Variants in CCDC102B observed in about 807,000 individuals in gnomAD.
The protein encoded by CCDC102B is coiled-coil domain-containing protein 102B.
A neutral mutation model predicts 57.4 loss-of-function variants in CCDC102B; 75 were observed. The ratio of observed to expected loss-of-function variants is 1.31; its 90% CI spans 1.08 to 1.58. CCDC102B has a LOEUF of 1.58. CCDC102B is among the 40% of genes most tolerant of loss of function. The pLI is 0.00. For missense variants in CCDC102B, 636 were observed against 582.6 expected, an observed-to-expected ratio of 1.09 and a Z score of -0.94; for synonymous variants, 206 against 201.9, an observed-to-expected ratio of 1.02 and a Z score of -0.17.
chr18:68,737,158 T>C (rs1169544137), intron 2 of CCDC102B, among the ~76,000 whole-genome samples: 2 of 152,060 alleles, frequency 1.3e-5, no homozygotes, highest in East Asian at 1.9e-4. Flanking sequence ...GGTGTTCTCT[T>C]TGAGTTTTAC....
At chr18:68,899,788 T>C (rs2040374536) in intron 6 of CCDC102B, 1 of 152,172 alleles carries the variant, frequency 6.6e-6, no homozygotes, top group African/African-American at 2.4e-5. Flanking sequence ...CACATGGTTT[T>C]ACATTTGGTT....
chr18:68,766,214 G>A (rs2144602530), intron 2 of CCDC102B, among the ~76,000 whole-genome samples: 1 of 152,150 alleles, frequency 6.6e-6, no homozygotes, highest in South Asian at 2.1e-4. Flanking sequence ...TAACTCCTAG[G>A]ACAAAGAAGC....
At chr18:68,877,141 A>C (rs757134872) in intron 5 of CCDC102B, among the ~76,000 whole-genome samples, 4 of 152,208 alleles carry the variant, frequency 2.6e-5, no homozygotes, top group African/African-American at 4.8e-5. Flanking sequence ...ATTTCTAGCT[A>C]ACTTAGGTTG....
At chr18:68,726,681 A>G (rs1479160950) in intron 2 of CCDC102B, among the ~76,000 whole-genome samples, 2 of 152,186 alleles carry the variant, frequency 1.3e-5, no homozygotes, top group African/African-American at 2.4e-5. Flanking sequence ...TTCAACATAC[A>G]TTTGCCTCAA....
rs1324669413 is a variant in CCDC102B, at chr18:68,750,720, G to C, written c.-67+34126G>C. ...AGGACAAAAAAACCGAACACCACATGTTCTCACTCATAGGTGGGAATTGAA... is the reference window on the plus strand; with the variant it reads ...AGGACAAAAAAACCGAACACCACATCTTCTCACTCATAGGTGGGAATTGAA... On this transcript the variant is annotated intron_variant, in intron 2 of 3. Transcript: ENST00000578970. 2.0e-5 allele frequency among the ~76,000 whole-genome samples: 3 copies of C among 148,312 alleles called. No individual in the cohort carries two copies. In the Admixed American group the frequency reaches 2.1e-4, roughly 10 times the overall value.
chr18:69,055,977 A>T (rs2052808992), downstream of CCDC102B, among the ~76,000 whole-genome samples: 2 of 152,080 alleles, frequency 1.3e-5, no homozygotes, highest in South Asian at 4.2e-4. Context: ...CTTAGTACAG[A>T]CATATTGATA....
At chr18:68,771,684 T>G (rs2034642378) in intron 2 of CCDC102B, among the ~76,000 whole-genome samples, 1 of 152,200 alleles carries the variant, frequency 6.6e-6, no homozygotes, top group Non-Finnish European at 1.5e-5. Context: ...GTGGATACAT[T>G]TGAATATCTG....
intron 1 of CCDC102B, among the ~76,000 whole-genome samples, chr18:68,829,385 C>G (rs1210303647): frequency 6.6e-6 from 1 of 151,848 alleles, no homozygotes; most frequent in Admixed American, 6.6e-5. Context: ...AGTTTTTTCT[C>G]TTGCTTTTTG....
intron 7 of CCDC102B, among the ~76,000 whole-genome samples, chr18:69,014,976 A>AGTGTGTGTGTGTGTGT (rs758831401): frequency 1.7e-5 from 2 of 115,572 alleles, no homozygotes; most frequent in East Asian, 3.0e-4. Flanking sequence ...AGAGAGAGAG[A>AGTGTGTGTGTGTGTGT]GAGTGTGTGT....
intron 5 of CCDC102B, among the ~76,000 whole-genome samples, chr18:68,882,422 T>C (rs57177556): frequency 0.024 from 3,667 of 152,290 alleles, 150 homozygotes; most frequent in African/African-American, 0.084. Flanking sequence ...AATATCCCCA[T>C]GTTTTCCCCT....
chr18:68,816,691 C>T (rs1035301689), intron 1 of CCDC102B, among the ~76,000 whole-genome samples: 2 of 152,092 alleles, frequency 1.3e-5, no homozygotes, highest in Non-Finnish European at 2.9e-5. Flanking sequence ...GTCTCGATAA[C>T]CTGACATCGT....
intron 5 of CCDC102B, among the ~76,000 whole-genome samples, chr18:68,889,640 T>C (rs942838084): frequency 3.9e-5 from 6 of 152,158 alleles, no homozygotes; most frequent in Non-Finnish European, 8.8e-5. Context: ...AGTTTCTCCA[T>C]GTTGGTCAAG....
At chr18:68,723,880 C>T (rs1715933765) in intron 2 of CCDC102B, among the ~76,000 whole-genome samples, 1 of 152,192 alleles carries the variant, frequency 6.6e-6, no homozygotes, top group Admixed American at 6.5e-5. Context: ...AGTGGGGATG[C>T]TGTGGTGGGG....
intron 4 of CCDC102B, among the ~76,000 whole-genome samples, chr18:68,848,169 A>G (rs375577189): frequency 2.6e-5 from 4 of 151,936 alleles, no homozygotes; most frequent in East Asian, 1.9e-4. Flanking sequence ...ATAGTATTGT[A>G]GCACAAGTAT....
chr18:68,815,528 T>C (rs924729067), intron 1 of CCDC102B, among the ~76,000 whole-genome samples: 1 of 152,168 alleles, frequency 6.6e-6, no homozygotes, highest in South Asian at 2.1e-4. Flanking sequence ...GAAACACATG[T>C]ATTAAAATTA....
chr18:68,836,255 A>G (rs2037361544), intron 1 of CCDC102B, among the ~76,000 whole-genome samples: 1 of 152,174 alleles, frequency 6.6e-6, no homozygotes, highest in East Asian at 1.9e-4. Flanking sequence ...ATTGAATACG[A>G]GCATTTTCTG....
rs1568277915 is a variant in CCDC102B, at chr18:68,837,050, C to T, written c.287C>T (p.Ser96Leu). The stretch of plus-strand genomic sequence containing the variant: ...ATGGAAAAGACCATGCGGTGGTGGT[C>T]GGACTGCACTGCCAACTGGAGAGAA... ...AQMEKTMRWW[S>L]DCTANWREKW... Residue 96 changes from serine (S) to leucine (L), a missense_variant, in exon 2 of 8, where the codon TCG (serine) becomes TTG (leucine). Transcript: ENST00000360242. 3.1e-6 allele frequency: 5 copies of T among 1,614,084 alleles called. No homozygotes were observed. Among genetic ancestry groups the T allele is most frequent in the African/African-American group, 2.7e-5 (2 of 75,006 alleles).
At chr18:68,846,210 CAAATATCAA>C in intron 3 of CCDC102B, 94 bp from the exon 4 acceptor site, 1 of 585,088 alleles carries the variant, frequency 1.7e-6, no homozygotes, top group Non-Finnish European at 2.7e-6. Context: ...TGATCAGTTA[CAAATATCAA>C]AAATTAGGAA....
At chr18:68,771,558 C>A (rs2034637580) in intron 2 of CCDC102B, among the ~76,000 whole-genome samples, 1 of 152,060 alleles carries the variant, frequency 6.6e-6, no homozygotes, top group African/African-American at 2.4e-5. Context: ...TTAGGTAACC[C>A]TTATGAAAAA....
Sources: gnomAD v4.1 joint callset for allele counts (sites outside exome capture counted in the v4.1 genomes callset) on GRCh38, gnomAD v4.1.1 for gene constraint, MANE v1.5 for transcripts, NCBI Gene and HGNC (gene_info 2026-07-23, HGNC 2026-07-21) for gene names.